VAV3: variants seen among roughly 807,000 people sequenced by gnomAD.
The protein encoded by VAV3 is vav guanine nucleotide exchange factor 3, also known as guanine nucleotide exchange factor VAV3.
Under a neutral mutation model 131.2 loss-of-function variants are expected in VAV3, and 94 were observed. That is an observed-to-expected ratio of 0.72 (90% confidence interval 0.61 to 0.85). The LOEUF is 0.85. VAV3 is among the 40% of genes least tolerant of loss of function. The pLI, the probability that VAV3 is intolerant of heterozygous loss-of-function variation, is 0.00. For missense variants in VAV3, 939 were observed against 1,002.7 expected (o/e 0.94, Z 0.86); for synonymous variants, 349 against 342.0 (o/e 1.02, Z -0.22).
intron 2 of VAV3, among the ~76,000 whole-genome samples, chr1:107,866,664 A>T (rs1210140888): frequency 1.3e-5 from 2 of 151,860 alleles, no homozygotes; most frequent in Non-Finnish European, 2.9e-5. Flanking sequence ...CTACTAAAAA[A>T]TACAAAAAAT....
In VAV3 at chr1:107,573,291, T is replaced by G. The variant is rs779276047; in HGVS notation, c.*40A>C. On this transcript the variant is annotated 3_prime_UTR_variant, in exon 27 of 27. Transcript: ENST00000370056. ...TGTGCAGGCTTCTATTTATCCCTTCTCTGAAATTTTTGGTGCAGGGTGCAA... is the reference window on the plus strand; with the variant it reads ...TGTGCAGGCTTCTATTTATCCCTTCGCTGAAATTTTTGGTGCAGGGTGCAA... 6.2e-7 allele frequency: 1 copy of G among 1,609,472 alleles called. No homozygotes were observed. Among genetic ancestry groups the G allele is most frequent in the Non-Finnish European group, 8.5e-7 (1 of 1,178,350 alleles).
At chr1:107,713,186 T>G (rs369535146) in intron 15 of VAV3, among the ~76,000 whole-genome samples, 112 of 152,288 alleles carry the variant, frequency 7.4e-4, no homozygotes, top group African/African-American at 2.6e-3. Context: ...GCTTATATTC[T>G]GCATTTAAAT....
Position 107,918,663 on chromosome 1 carries a change from C to CAT in VAV3, c.205-43648_205-43647dup, listed in dbSNP as rs1209934317. ...CATAAAGTAAAAAGTAGTTTTAAGG[C>CAT]ATATATATATATATTTTTAAGGCAT... On this transcript the variant is annotated intron_variant, in intron 1 of 26. Coordinates refer to ENST00000370056, the MANE Select transcript of VAV3 (RefSeq NM_006113.5). 3.6e-3 allele frequency among the ~76,000 whole-genome samples: 518 copies of CAT among 145,210 alleles called. 5 individuals are homozygous for CAT. The highest frequency in any genetic ancestry group is 5.0e-3 in the Non-Finnish European group (333 of 66,620).
intron 1 of VAV3, among the ~76,000 whole-genome samples, chr1:107,898,069 T>C (rs1190671435): frequency 6.6e-6 from 1 of 151,772 alleles, no homozygotes; most frequent in African/African-American, 2.4e-5. Context: ...ATAGGTTTTA[T>C]TACTCCTTTG....
intron 20 of VAV3, among the ~76,000 whole-genome samples, chr1:107,621,089 A>ATTTT (rs5776895): frequency 0.37 from 54,237 of 147,042 alleles, 10,299 homozygotes; most frequent in East Asian, 0.46. Flanking sequence ...ATCAAAACTC[A>ATTTT]TTTTTTTTTT....
chr1:107,630,810 TCAACCAGTACATGA>T (rs1654409745), intron 20 of VAV3, among the ~76,000 whole-genome samples: 1 of 152,102 alleles, frequency 6.6e-6, no homozygotes, highest in Non-Finnish European at 1.5e-5. Flanking sequence ...CTTCAAAGGA[TCAACCAGTACATGA>T]TTCCACATTT....
At chr1:107,853,034 C>T (rs17020175) in intron 2 of VAV3, among the ~76,000 whole-genome samples, 2,763 of 152,092 alleles carry the variant, frequency 0.018, 73 homozygotes, top group African/African-American at 0.054. Flanking sequence ...GCCATCATTT[C>T]CAACAGGTTT....
At chr1:107,705,139 C>T (rs1302407428) in intron 15 of VAV3, 78 bp from the exon 16 acceptor site, 6 of 1,114,114 alleles carry the variant, frequency 5.4e-6, no homozygotes, top group Non-Finnish European at 7.9e-6. Context: ...ACCCTAAATT[C>T]ATCAAAATGA....
In VAV3 at chr1:107,964,752, C is replaced by T; in HGVS notation, c.118G>A (p.Gly40Arg). ...TTAAGCAGCTGGCAGAGCAGGACTC[C>T]ATCGCGGAGGGTCTGCGCAAGGTCG... ...VFDLAQTLRD[G>R]VLLCQLLNNL... is the part of the protein sequence containing the mutation. The change falls in exon 1 of 27, where the codon GGA becomes AGA. Residue 40 changes from glycine to arginine, a missense_variant. Transcript: ENST00000370056. 6.2e-7 allele frequency: 1 copy of T among 1,614,130 alleles called. No homozygotes were observed. The highest frequency in any genetic ancestry group is 1.3e-5 in the African/African-American group (1 of 75,060).
chr1:107,719,165 A>C (rs2101910675), intron 15 of VAV3, among the ~76,000 whole-genome samples: 1 of 152,368 alleles, frequency 6.6e-6, no homozygotes, highest in Admixed American at 6.5e-5. Context: ...TTCATGACTA[A>C]AACACCAAAA....
chr1:107,781,089 T>C (rs542225506), intron 2 of VAV3, among the ~76,000 whole-genome samples: 1 of 152,206 alleles, frequency 6.6e-6, no homozygotes, highest in East Asian at 1.9e-4. Flanking sequence ...TGGTACCATA[T>C]ATATATATGG....
chr1:107,669,045 G>A (rs764719315), intron 19 of VAV3: 128 of 1,056,456 alleles, frequency 1.2e-4, no homozygotes, highest in East Asian at 1.9e-4. Flanking sequence ...AGAAAGTCAG[G>A]AGCTGCTAAG....
rs1394552522 is a variant in VAV3, at chr1:107,878,068, T to C, written c.205-3051A>G. Among the ~76,000 whole-genome samples the C allele has an allele frequency of 2.0e-5, 3 of 152,126 alleles. No individual in the cohort carries two copies. The East Asian group carries it at 5.8e-4, about 29-fold the overall frequency. On this transcript the variant is annotated intron_variant, in intron 1 of 26. Coordinates refer to ENST00000370056, the MANE Select transcript of VAV3 (RefSeq NM_006113.5). The stretch of plus-strand genomic sequence containing the variant: ...TTTTTTTGAATTTCAGAACAAAAGT[T>C]GAAAGAATACAATGAACATTCCATC...
chr1:107,634,846 G>A (rs1024475784), intron 20 of VAV3, among the ~76,000 whole-genome samples: 7 of 152,230 alleles, frequency 4.6e-5, no homozygotes, highest in African/African-American at 1.4e-4. Flanking sequence ...AGACATTTAT[G>A]CAGCTGAAAG....
At chr1:107,755,382 T>C in intron 12 of VAV3, 45 bp downstream of exon 12, 1 of 1,360,088 alleles carries the variant, frequency 7.4e-7, no homozygotes, top group Non-Finnish European at 1.1e-6. Context: ...AGAATGTCGT[T>C]GATGTGGGGG....
chr1:107,612,403 T>C (rs1196870267), intron 21 of VAV3, among the ~76,000 whole-genome samples: 1 of 152,112 alleles, frequency 6.6e-6, no homozygotes, highest in Non-Finnish European at 1.5e-5. Flanking sequence ...AATTCAGACA[T>C]TGTAGTTTCA....
intron 19 of VAV3, among the ~76,000 whole-genome samples, chr1:107,680,364 A>G (rs1658516777): frequency 6.6e-6 from 1 of 152,182 alleles, no homozygotes; most frequent in South Asian, 2.1e-4. Flanking sequence ...TCTTATTTCA[A>G]CAGAAATTCA....
chr1:107,802,858 G>A (rs1479323406), intron 2 of VAV3, among the ~76,000 whole-genome samples: 1 of 149,982 alleles, frequency 6.7e-6, no homozygotes, highest in Non-Finnish European at 1.5e-5. Flanking sequence ...TGTGGAATAA[G>A]TTTGAAAGTA....
At chr1:107,589,011 T>G (rs560805582) in intron 25 of VAV3, among the ~76,000 whole-genome samples, 8 of 152,306 alleles carry the variant, frequency 5.3e-5, no homozygotes, top group African/African-American at 1.7e-4. Flanking sequence ...ACTTTTTTTT[T>G]GTATTAAAGT....
Sources: allele counts gnomAD v4.1 joint callset (sites outside exome capture counted in the v4.1 genomes callset), GRCh38; gene constraint gnomAD v4.1.1; transcripts MANE v1.5; gene names NCBI Gene and HGNC (gene_info 2026-07-23, HGNC 2026-07-21).